The following NOL4 variants were observed in gnomAD, a reference collection of about 807,000 sequenced individuals.
NOL4 encodes the protein cancer/testis antigen 125.
A neutral mutation model predicts 75.9 loss-of-function variants in NOL4; 17 were observed. The ratio of observed to expected loss-of-function variants is 0.22; its 90% CI spans 0.15 to 0.34. The LOEUF (loss-of-function observed/expected upper bound fraction) is 0.34. Among genes scored for constraint, NOL4 ranks in the 10% least tolerant of loss-of-function variants. The pLI, the probability that NOL4 is intolerant of heterozygous loss-of-function variation, is 1.00. For synonymous variants in NOL4, 292 were observed against 289.9 expected (o/e 1.01, Z -0.07); for missense variants, 614 against 793.5 (o/e 0.77, Z 2.72).
At chr18:33,935,770 T>G (rs1406508245) in intron 9 of NOL4, among the ~76,000 whole-genome samples, 1 of 152,174 alleles carries the variant, frequency 6.6e-6, no homozygotes, top group African/African-American at 2.4e-5. Context: ...TGAGGAATGC[T>G]TGTGCTTCAT....
intron 6 of NOL4, among the ~76,000 whole-genome samples, chr18:34,013,940 T>A (rs919272938): frequency 2.0e-5 from 3 of 151,856 alleles, no homozygotes; most frequent in African/African-American, 7.3e-5. Flanking sequence ...CTGGGCCAAA[T>A]AAATGTATAA....
At chr18:34,207,841 C>A (rs1363088000) in intron 1 of NOL4, among the ~76,000 whole-genome samples, 2 of 152,102 alleles carry the variant, frequency 1.3e-5, no homozygotes, top group African/African-American at 4.8e-5. Flanking sequence ...GTTCCTCTGG[C>A]CAGAGACAGG....
intron 10 of NOL4, among the ~76,000 whole-genome samples, chr18:33,858,483 T>C (rs1567964316): frequency 1.3e-5 from 2 of 151,980 alleles, no homozygotes. Flanking sequence ...TTATACTAGA[T>C]ATTCTATAAG....
chr18:33,954,773 T>C (rs1030203692), intron 8 of NOL4, among the ~76,000 whole-genome samples: 2 of 152,062 alleles, frequency 1.3e-5, no homozygotes, highest in Non-Finnish European at 2.9e-5. Flanking sequence ...ATATTGCTTG[T>C]TCAGGCTCTT....
chr18:33,886,540 A>G (rs2064668240), intron 9 of NOL4, among the ~76,000 whole-genome samples: 2 of 150,872 alleles, frequency 1.3e-5, no homozygotes, highest in South Asian at 4.2e-4. Flanking sequence ...AAAAAAAAAA[A>G]AGAAAAAAGA....
chr18:34,206,891 GT>G (rs948147767), intron 1 of NOL4, among the ~76,000 whole-genome samples: 10 of 151,566 alleles, frequency 6.6e-5, no homozygotes, highest in South Asian at 4.2e-4. Context: ...TCCTGAGTCT[GT>G]TTTTTTAAAT....
At chr18:34,061,143 C>T (rs1265811515) in intron 5 of NOL4, among the ~76,000 whole-genome samples, 1 of 152,060 alleles carries the variant, frequency 6.6e-6, no homozygotes, top group Non-Finnish European at 1.5e-5. Flanking sequence ...GTAGCACTCA[C>T]TTAAATGTTA....
chr18:34,099,501 A>G (rs562626371), intron 4 of NOL4, among the ~76,000 whole-genome samples: 1 of 152,054 alleles, frequency 6.6e-6, no homozygotes, highest in African/African-American at 2.4e-5. Flanking sequence ...TTTTGCTCTC[A>G]TAATCATGTT....
chr18:33,862,335 A>T (rs1448572610), intron 10 of NOL4, among the ~76,000 whole-genome samples: 2 of 152,218 alleles, frequency 1.3e-5, no homozygotes, highest in Non-Finnish European at 2.9e-5. Context: ...AAACACAGGC[A>T]TTACCATTCA....
At chr18:33,866,630 T>G (rs1374069500) in intron 10 of NOL4, among the ~76,000 whole-genome samples, 1 of 152,158 alleles carries the variant, frequency 6.6e-6, no homozygotes, top group Non-Finnish European at 1.5e-5. Context: ...GAGACCTAAC[T>G]AATCCTTTGA....
chr18:34,207,324 C>G (rs1276359849), intron 1 of NOL4, among the ~76,000 whole-genome samples: 2 of 151,878 alleles, frequency 1.3e-5, no homozygotes, highest in African/African-American at 4.8e-5. Context: ...TTAAAATCCT[C>G]CAGAAAAAAA....
chr18:33,945,917 T>A (rs567993238), intron 8 of NOL4, among the ~76,000 whole-genome samples: 3 of 151,868 alleles, frequency 2.0e-5, no homozygotes, highest in Admixed American at 6.6e-5. Flanking sequence ...AAAGGACAAA[T>A]TGAACTAGAT....
intron 6 of NOL4, among the ~76,000 whole-genome samples, chr18:34,017,380 A>T (rs1171553469): frequency 6.6e-6 from 1 of 152,130 alleles, no homozygotes; most frequent in Non-Finnish European, 1.5e-5. Flanking sequence ...TTTAAGATGT[A>T]CAACATGATG....
chr18:34,176,803 TAA>T (rs2033590837), intron 1 of NOL4, among the ~76,000 whole-genome samples: 1 of 152,082 alleles, frequency 6.6e-6, no homozygotes, highest in Admixed American at 6.6e-5. Flanking sequence ...ATGAGAAAAT[TAA>T]TTTCTGTTTG....
At chr18:34,023,628 G>C in intron 5 of NOL4, 1 of 320,082 alleles carries the variant, frequency 3.1e-6, no homozygotes, top group Non-Finnish European at 6.6e-6. Flanking sequence ...CTGGAGCTTT[G>C]GAAAATAAGA....
At chr18:33,949,739 G>A (rs1180836483) in intron 8 of NOL4, among the ~76,000 whole-genome samples, 1 of 152,042 alleles carries the variant, frequency 6.6e-6, no homozygotes, top group Non-Finnish European at 1.5e-5. Flanking sequence ...GCTTTGATTA[G>A]AAATATTTCA....
chr18:33,887,010 CAT>C (rs1211850908), intron 9 of NOL4, among the ~76,000 whole-genome samples: 7 of 133,076 alleles, frequency 5.3e-5, no homozygotes, highest in African/African-American at 5.6e-5. Context: ...TATCTATATA[CAT>C]ATATATCTAT....
chr18:34,146,541 C>T (rs965293739), intron 1 of NOL4, among the ~76,000 whole-genome samples: 7 of 151,826 alleles, frequency 4.6e-5, no homozygotes, highest in African/African-American at 7.2e-5. Context: ...GTTGTAGATG[C>T]GTGGCGTTAT....
intron 4 of NOL4, among the ~76,000 whole-genome samples, chr18:34,102,458 A>C (rs2079082460): frequency 6.6e-6 from 1 of 152,062 alleles, no homozygotes; most frequent in Non-Finnish European, 1.5e-5. Context: ...TTTTCTAAAA[A>C]TTTTGCAAAT....
Sources: gnomAD v4.1 joint callset for allele counts (sites outside exome capture counted in the v4.1 genomes callset) on GRCh38, gnomAD v4.1.1 for gene constraint, MANE v1.5 for transcripts, NCBI Gene and HGNC (gene_info 2026-07-23, HGNC 2026-07-21) for gene names.